Variants in LINC00305 observed in about 807,000 individuals in gnomAD.
LINC00305 encodes long intergenic non-protein coding RNA 305.
chr18:64,086,029 A>T (rs2051202011), intron 3 of LINC00305, among the ~76,000 whole-genome samples: 1 of 152,210 alleles, frequency 6.6e-6, no homozygotes, highest in Non-Finnish European at 1.5e-5. Flanking sequence ...TTCTTAATAT[A>T]TGCTTTTTGT....
chr18:64,082,607 G>T (rs1463280773), intron 3 of LINC00305, among the ~76,000 whole-genome samples: 1 of 152,186 alleles, frequency 6.6e-6, no homozygotes, highest in Non-Finnish European at 1.5e-5. Flanking sequence ...GCTTAACCAG[G>T]AATTCACATC....
chr18:64,101,646 T>C (rs1168731065), intron 1 of LINC00305, among the ~76,000 whole-genome samples: 1 of 152,200 alleles, frequency 6.6e-6, no homozygotes, highest in African/African-American at 2.4e-5. Flanking sequence ...TTACATTTAA[T>C]AAGACCTTTT....
At chr18:64,133,723 G>A (rs1279987758) in intron 1 of LINC00305, among the ~76,000 whole-genome samples, 2 of 152,088 alleles carry the variant, frequency 1.3e-5, no homozygotes, top group Non-Finnish European at 2.9e-5. Flanking sequence ...TACTTCTTCA[G>A]GAGCAGCTTA....
chr18:64,132,927 G>A (rs1192655555), intron 1 of LINC00305, among the ~76,000 whole-genome samples: 1 of 152,174 alleles, frequency 6.6e-6, no homozygotes, highest in Non-Finnish European at 1.5e-5. Context: ...AAAGATGGAG[G>A]GCCTGGCTGT....
chr18:64,102,473 A>G (rs779916686), intron 1 of LINC00305, among the ~76,000 whole-genome samples: 2 of 152,204 alleles, frequency 1.3e-5, no homozygotes, highest in Non-Finnish European at 2.9e-5. Flanking sequence ...TATAAAGGGT[A>G]AAATATAATG....
At chr18:64,120,381 G>T (rs1356973511) in intron 1 of LINC00305, among the ~76,000 whole-genome samples, 2 of 152,032 alleles carry the variant, frequency 1.3e-5, no homozygotes, top group African/African-American at 4.8e-5. Context: ...GCTAAAGCTG[G>T]TTCAGATTAA....
intron 1 of LINC00305, among the ~76,000 whole-genome samples, chr18:64,140,701 G>A (rs961478104): frequency 5.3e-5 from 8 of 152,172 alleles, no homozygotes; most frequent in Admixed American, 1.3e-4. Context: ...CCGTGGTTAT[G>A]TTATGCGATA....
At chr18:64,129,340 T>C (rs1477210700) in intron 1 of LINC00305, among the ~76,000 whole-genome samples, 1 of 152,150 alleles carries the variant, frequency 6.6e-6, no homozygotes, top group African/African-American at 2.4e-5. Flanking sequence ...TTCTTTTTAA[T>C]ATGATTTAAT....
In LINC00305 at chr18:64,128,132, G is replaced by A. The variant is rs1266693304; in HGVS notation, n.314+20643C>T. 2.0e-5 allele frequency among the ~76,000 whole-genome samples: 3 copies of A among 152,008 alleles called. No homozygotes were observed. In the East Asian group the frequency reaches 5.8e-4, roughly 29 times the overall value. ...ATCAAATAATGGTGTCTGTCTAATT[G>A]TTTTGCAAAATGAACAACCCAAGTC... On this transcript the variant is annotated intron_variant and non_coding_transcript_variant, in intron 1 of 3. Transcript: ENST00000666468.
intron 1 of LINC00305, among the ~76,000 whole-genome samples, chr18:64,120,348 C>T: frequency 6.6e-6 from 1 of 152,042 alleles, no homozygotes; most frequent in East Asian, 1.9e-4. Flanking sequence ...CTCTGAGTGA[C>T]ACAGCACATA....
intron 3 of LINC00305, among the ~76,000 whole-genome samples, chr18:64,089,379 G>A (rs942107941): frequency 7.9e-5 from 12 of 152,304 alleles, no homozygotes; most frequent in South Asian, 2.1e-4. Flanking sequence ...GCTGAACTGT[G>A]AGTCAATTAA....
chr18:64,145,031 G>T (rs1252369781), intron 1 of LINC00305, among the ~76,000 whole-genome samples: 1 of 152,098 alleles, frequency 6.6e-6, no homozygotes, highest in Non-Finnish European at 1.5e-5. Flanking sequence ...CCTCTTTAGG[G>T]TTAAGGCATA....
At chr18:64,140,469 G>T (rs1330709397) in intron 1 of LINC00305, among the ~76,000 whole-genome samples, 2 of 152,048 alleles carry the variant, frequency 1.3e-5, no homozygotes, top group African/African-American at 4.8e-5. Flanking sequence ...TTGGCCTCCC[G>T]AAGTGCTGGG....
intron 3 of LINC00305, among the ~76,000 whole-genome samples, chr18:64,094,175 C>A (rs924367898): frequency 6.6e-6 from 1 of 151,986 alleles, no homozygotes; most frequent in Non-Finnish European, 1.5e-5. Context: ...ACTAAAAGAA[C>A]GTTATTACTA....
chr18:64,125,761 G>A (rs574782345), intron 1 of LINC00305, among the ~76,000 whole-genome samples: 24 of 152,016 alleles, frequency 1.6e-4, no homozygotes, highest in Non-Finnish European at 2.9e-4. Context: ...AAAACTTAAC[G>A]CCCAATGCAA....
chr18:64,127,664 A>G (rs2051391349), intron 1 of LINC00305, among the ~76,000 whole-genome samples: 1 of 152,098 alleles, frequency 6.6e-6, no homozygotes, highest in South Asian at 2.1e-4. Flanking sequence ...TCATGGTAAG[A>G]TAACCAAGGA....
chr18:64,143,125 C>T (rs796691009), intron 1 of LINC00305, among the ~76,000 whole-genome samples: 4 of 152,056 alleles, frequency 2.6e-5, no homozygotes, highest in Admixed American at 2.0e-4. Flanking sequence ...TGAAACCAAC[C>T]AGTAAAATTG....
At chr18:64,143,938 AT>A (rs1232036655) in intron 1 of LINC00305, among the ~76,000 whole-genome samples, 1 of 152,110 alleles carries the variant, frequency 6.6e-6, no homozygotes, top group Non-Finnish European at 1.5e-5. Context: ...AATTTGGAGA[AT>A]TTTTACAAAT....
At chr18:64,115,010 G>A (rs2051331640) in intron 1 of LINC00305, among the ~76,000 whole-genome samples, 1 of 152,144 alleles carries the variant, frequency 6.6e-6, no homozygotes, top group Non-Finnish European at 1.5e-5. Flanking sequence ...TGCAGGGCTG[G>A]GGTGATGCAC....
Sources: gnomAD v4.1 joint callset for allele counts (sites outside exome capture counted in the v4.1 genomes callset) on GRCh38, gnomAD v4.1.1 for gene constraint, MANE v1.5 for transcripts, NCBI Gene and HGNC (gene_info 2026-07-23, HGNC 2026-07-21) for gene names.